The following PARD3B variants were observed in gnomAD, a reference collection of about 807,000 sequenced individuals.
The protein encoded by PARD3B is par-3 family cell polarity regulator beta.
A neutral mutation model predicts 130.2 loss-of-function variants in PARD3B; 103 were observed. That is an observed-to-expected ratio of 0.79 (90% CI 0.67 to 0.93). PARD3B has a LOEUF of 0.93. Among genes scored for constraint, PARD3B ranks in the 40% least tolerant of loss-of-function variants. The pLI is 0.00. For synonymous variants in PARD3B, 583 were observed against 553.2 expected (o/e 1.05, Z -0.76); for missense variants, 1,609 against 1,499.2 (o/e 1.07, Z -1.21).
At chr2:204,659,967 C>T (rs2035749333) in intron 1 of PARD3B, among the ~76,000 whole-genome samples, 1 of 152,132 alleles carries the variant, frequency 6.6e-6, no homozygotes, top group South Asian at 2.1e-4. Context: ...GATTGGAAGA[C>T]TTTGAGCCAA....
At chr2:204,703,441 T>C (rs906571550) in intron 2 of PARD3B, among the ~76,000 whole-genome samples, 2 of 152,222 alleles carry the variant, frequency 1.3e-5, no homozygotes, top group African/African-American at 4.8e-5. Context: ...AAGTGACAGC[T>C]AGTTTATTTC....
At chr2:205,408,893 AT>A (rs2046501606) in intron 19 of PARD3B, among the ~76,000 whole-genome samples, 1 of 152,148 alleles carries the variant, frequency 6.6e-6, no homozygotes, top group African/African-American at 2.4e-5. Context: ...CCAATTTATT[AT>A]TACTAGTGAA....
intron 22 of PARD3B, among the ~76,000 whole-genome samples, chr2:205,580,684 G>A (rs1224582403): frequency 2.0e-5 from 3 of 152,146 alleles, no homozygotes; most frequent in African/African-American, 7.2e-5. Context: ...ACGAAGAATT[G>A]AACTTGGAAA....
chr2:205,400,634 G>A (rs970318460), intron 18 of PARD3B, among the ~76,000 whole-genome samples: 3 of 150,800 alleles, frequency 2.0e-5, no homozygotes, highest in Admixed American at 6.6e-5. Flanking sequence ...AGAGTGAGAC[G>A]CTGTCTCAAA....
At position 204,759,137 on chromosome 2, in the gene PARD3B, T is replaced by C. The variant is rs76536746; in HGVS notation, c.222+72855T>C. Among the ~76,000 whole-genome samples, 12 of 152,318 alleles carry C rather than the reference T, an allele frequency of 7.9e-5. No individual in the cohort carries two copies. In the East Asian group the frequency reaches 2.3e-3, roughly 29 times the overall value. On this transcript the variant is annotated intron_variant, in intron 2 of 22. Coordinates refer to ENST00000406610, the MANE Select transcript of PARD3B (RefSeq NM_001302769.2). ...GTAATGTTCTCATAATAATTCTTCA[T>C]GACTGCAGTTACTCAAATGAGTTCT...
At chr2:205,225,517 A>G (rs1276405376) in intron 15 of PARD3B, among the ~76,000 whole-genome samples, 1 of 152,000 alleles carries the variant, frequency 6.6e-6, no homozygotes, top group Non-Finnish European at 1.5e-5. Flanking sequence ...CCATTTTCAG[A>G]TGGTATATTA....
chr2:205,448,614 T>TA (rs2047989497), intron 20 of PARD3B, among the ~76,000 whole-genome samples: 2 of 152,190 alleles, frequency 1.3e-5, no homozygotes, highest in Non-Finnish European at 2.9e-5. Context: ...TTCCCTAGAT[T>TA]TTACCAGCCT....
intron 18 of PARD3B, among the ~76,000 whole-genome samples, chr2:205,378,324 G>A (rs971815512): frequency 6.6e-6 from 1 of 152,196 alleles, no homozygotes; most frequent in Non-Finnish European, 1.5e-5. Flanking sequence ...TGAACAGGCA[G>A]GTTGAACAAA....
chr2:204,925,833 G>A (rs1357493309), intron 2 of PARD3B, among the ~76,000 whole-genome samples: 1 of 152,004 alleles, frequency 6.6e-6, no homozygotes, highest in Non-Finnish European at 1.5e-5. Context: ...TTAGATCATG[G>A]GGGCATTTTC....
chr2:205,560,524 T>C (rs2053093476), intron 22 of PARD3B, among the ~76,000 whole-genome samples: 1 of 152,156 alleles, frequency 6.6e-6, no homozygotes, highest in African/African-American at 2.4e-5. Flanking sequence ...TGCAAATTGG[T>C]ACTGTAGTTC....
intron 18 of PARD3B, among the ~76,000 whole-genome samples, chr2:205,371,523 G>A (rs1163880497): frequency 6.6e-6 from 1 of 152,170 alleles, no homozygotes; most frequent in East Asian, 1.9e-4. Context: ...GGCATCAGAG[G>A]CTGTAGAGTT....
At position 205,091,479 on chromosome 2, in the gene PARD3B, C is replaced by G. The variant is rs1702107409; in HGVS notation, c.505-12947C>G. ...TTAGAATATCCTCCCCACATTCACT[C>G]AGGCTTGTTGTTGTTGTTTCTAGCA... On this transcript the variant is annotated intron_variant, in intron 4 of 22. Coordinates refer to ENST00000406610, the MANE Select transcript of PARD3B (RefSeq NM_001302769.2). This position sits in a 1 kb window ranked among gnomAD's most constrained non-coding sequence, Gnocchi z 4.2. Among the ~76,000 whole-genome samples the G allele has an allele frequency of 1.3e-5, 2 of 152,170 alleles. No individual in the cohort carries two copies. The highest frequency in any genetic ancestry group is 2.9e-5 in the Non-Finnish European group (2 of 68,026).
At chr2:205,193,590 G>A (rs181490328) in intron 15 of PARD3B, among the ~76,000 whole-genome samples, 12 of 152,266 alleles carry the variant, frequency 7.9e-5, no homozygotes, top group Admixed American at 7.2e-4. Flanking sequence ...GATTCCTTCT[G>A]GAGGATCTGA....
intron 15 of PARD3B, among the ~76,000 whole-genome samples, chr2:205,238,910 GTA>G (rs1230892621): frequency 3.5e-5 from 3 of 84,858 alleles, no homozygotes; most frequent in African/African-American, 1.4e-4. Flanking sequence ...ATATATATAT[GTA>G]TGTGTATATA....
intron 4 of PARD3B, among the ~76,000 whole-genome samples, chr2:205,049,587 C>G (rs1489719699): frequency 1.3e-5 from 2 of 152,128 alleles, no homozygotes; most frequent in Non-Finnish European, 1.5e-5. Context: ...AGGCTCTGGG[C>G]TTAAACCAAT....
At chr2:205,190,342 G>A (rs149413524) in intron 14 of PARD3B, among the ~76,000 whole-genome samples, 3 of 152,200 alleles carry the variant, frequency 2.0e-5, no homozygotes, top group Admixed American at 1.3e-4. Context: ...AATGCAATCT[G>A]ATCTATGTTT....
chr2:204,858,765 A>G (rs2045060647), intron 2 of PARD3B, among the ~76,000 whole-genome samples: 1 of 148,346 alleles, frequency 6.7e-6, no homozygotes, highest in South Asian at 2.1e-4. Flanking sequence ...AGGTGTATAT[A>G]TTATATATAC....
At chr2:205,606,291 G>C in intron 22 of PARD3B, among the ~76,000 whole-genome samples, 1 of 152,130 alleles carries the variant, frequency 6.6e-6, no homozygotes, top group Non-Finnish European at 1.5e-5. Context: ...ACGGAACCAT[G>C]GGAAAAGCAT....
chr2:205,505,589 T>C (rs192884332), intron 21 of PARD3B, among the ~76,000 whole-genome samples: 41 of 152,262 alleles, frequency 2.7e-4, no homozygotes, highest in African/African-American at 8.9e-4. Context: ...TAGGCCCAAT[T>C]AAGTAAGCAA....
Sources: gnomAD v4.1 joint callset for allele counts (sites outside exome capture counted in the v4.1 genomes callset) on GRCh38, gnomAD v4.1.1 for gene constraint, Gnocchi (gnomAD v3.1) non-coding constraint, MANE v1.5 for transcripts, NCBI Gene and HGNC (gene_info 2026-07-23, HGNC 2026-07-21) for gene names.